C12orf56: variants seen among roughly 807,000 people sequenced by gnomAD.
C12orf56 encodes uncharacterized protein C12orf56.
Under a neutral mutation model 69.9 loss-of-function variants are expected in C12orf56, and 71 were observed. The ratio of observed to expected loss-of-function variants is 1.02; its 90% CI spans 0.84 to 1.24. C12orf56 has a LOEUF of 1.24. Ranked by LOEUF, C12orf56 falls within the 50% of genes most tolerant of loss-of-function variation. C12orf56 has a pLI of 0.00. For synonymous variants in C12orf56, 276 were observed against 274.1 expected (o/e 1.01, Z -0.07); for missense variants, 732 against 738.5 (o/e 0.99, Z 0.10).
At chr12:64,269,835 C>T (rs983827915) in intron 12 of C12orf56, among the ~76,000 whole-genome samples, 2 of 151,854 alleles carry the variant, frequency 1.3e-5, no homozygotes, top group African/African-American at 2.4e-5. Flanking sequence ...GTAATCTGCC[C>T]GGCTCAGCCT....
chr12:64,318,732 T>C lies in C12orf56; in HGVS notation c.737A>G (p.Asn246Ser). The stretch of plus-strand genomic sequence containing the variant: ...ATTTCCTAAGTAAAACTCATTTCCA[T>C]TCCCATTGCACTTGAAAGGAATTTC... ...ISEIPFKCNGNGNEFYLGNSL... is the reference protein window; with the variant it reads ...ISEIPFKCNGSGNEFYLGNSL... Residue 246 changes from asparagine (N) to serine (S), a missense_variant, in exon 4 of 13, where the codon AAT becomes AGT. Asn to Ser is a conservative substitution (Grantham distance 46, BLOSUM62 1). Transcript: ENST00000543942. The C allele has an allele frequency of 6.5e-7, 1 of 1,536,874 alleles. No homozygotes were observed. The highest frequency in any genetic ancestry group is 8.7e-7 in the Non-Finnish European group (1 of 1,146,858).
rs537143634 is a variant in C12orf56, at chr12:64,265,990, A to G, written c.*1193T>C. On this transcript the variant is annotated 3_prime_UTR_variant, in exon 13 of 13. Coordinates refer to ENST00000543942, the MANE Select transcript of C12orf56 (RefSeq NM_001170633.2). Reference sequence around the variant, plus strand: ...CAGATGCCTGAAACAGAGTGGCACCATGCACTTAATTTTGTTGAAGTCCAA... The same window carrying G: ...CAGATGCCTGAAACAGAGTGGCACCGTGCACTTAATTTTGTTGAAGTCCAA... The G allele has an allele frequency of 6.6e-6, 1 of 152,344 alleles. No individual in the cohort carries two copies. Among genetic ancestry groups the G allele is most frequent in the South Asian group, 2.1e-4 (1 of 4,832 alleles). 9.4% of individuals were successfully genotyped at this position (152,344 alleles called of 1,614,324 possible).
At chr12:64,382,782 C>A (rs1274776619) in intron 1 of C12orf56, among the ~76,000 whole-genome samples, 1 of 148,858 alleles carries the variant, frequency 6.7e-6, no homozygotes, top group Non-Finnish European at 1.5e-5. Context: ...CTGGGGCAGG[C>A]GAATGGTGTG....
Position 64,275,307 on chromosome 12 carries a change from G to T in C12orf56, c.1500C>A (p.Val500=), listed in dbSNP as rs761278179. Reference sequence around the variant, plus strand: ...TTTTTAAAAATTGTACCTGCTGAAAGACCAGAAGTATCTCATATAAAAGTG... The same window carrying T: ...TTTTTAAAAATTGTACCTGCTGAAATACCAGAAGTATCTCATATAAAAGTG... ...ATALLYEILL[V]FQQGNLGLGS... Residue 500 remains valine (V), a synonymous_variant, in exon 10 of 13, where the codon GTC becomes GTA. Transcript: ENST00000543942. The T allele has an allele frequency of 7.1e-7, 1 of 1,402,442 alleles. No homozygotes were observed. 86.9% of individuals were successfully genotyped at this position (1,402,442 alleles called of 1,614,324 possible).
At chr12:64,317,781 G>A (rs940700083) in intron 4 of C12orf56, among the ~76,000 whole-genome samples, 1 of 151,898 alleles carries the variant, frequency 6.6e-6, no homozygotes, top group African/African-American at 2.4e-5. Context: ...AAAAAAGATT[G>A]CATTTCAGTT....
intron 3 of C12orf56, among the ~76,000 whole-genome samples, chr12:64,319,547 C>T (rs1266123105): frequency 6.6e-6 from 1 of 152,076 alleles, no homozygotes; most frequent in Non-Finnish European, 1.5e-5. Flanking sequence ...AGGCATGTGC[C>T]ACTATGCCCA....
At chr12:64,295,700 T>C (rs1592428370) in intron 6 of C12orf56, among the ~76,000 whole-genome samples, 1 of 151,690 alleles carries the variant, frequency 6.6e-6, no homozygotes, top group African/African-American at 2.4e-5. Context: ...ATTCTCATAA[T>C]TTAAATTTTA....
intron 6 of C12orf56, among the ~76,000 whole-genome samples, chr12:64,294,361 G>A (rs564770505): frequency 2.2e-4 from 33 of 152,120 alleles, no homozygotes; most frequent in Admixed American, 1.0e-3. Context: ...TGAAAGCACC[G>A]TCTTAAAGAG....
At chr12:64,306,207 GAAT>G (rs1227202588) in intron 5 of C12orf56, among the ~76,000 whole-genome samples, 1 of 151,980 alleles carries the variant, frequency 6.6e-6, no homozygotes, top group Non-Finnish European at 1.5e-5. Flanking sequence ...GAAAAGTTAT[GAAT>G]AATAATTTCT....
intron 6 of C12orf56, among the ~76,000 whole-genome samples, chr12:64,293,077 T>A (rs369225468): frequency 0.021 from 3,131 of 152,210 alleles, 93 homozygotes; most frequent in African/African-American, 0.071. Flanking sequence ...TAAGCCGGTC[T>A]GAAAAGCGCA....
intron 1 of C12orf56, among the ~76,000 whole-genome samples, chr12:64,380,208 G>A (rs974855279): frequency 4.7e-5 from 7 of 149,380 alleles, no homozygotes; most frequent in South Asian, 4.2e-4. Context: ...ACAAAGAAGC[G>A]TGTAGAGAGC....
intron 1 of C12orf56, among the ~76,000 whole-genome samples, chr12:64,372,184 T>C (rs1271524591): frequency 6.6e-6 from 1 of 152,188 alleles, no homozygotes; most frequent in African/African-American, 2.4e-5. Flanking sequence ...TTATATGTTA[T>C]AGTTGAGGAA....
At chr12:64,279,081 A>T (rs1037682502) in intron 8 of C12orf56, among the ~76,000 whole-genome samples, 3 of 151,848 alleles carry the variant, frequency 2.0e-5, no homozygotes, top group African/African-American at 4.8e-5. Context: ...TCTTTTTTTT[A>T]AATATAAAAA....
chr12:64,266,673 C>T lies in C12orf56; in HGVS notation c.*510G>A, dbSNP rs944319441. On this transcript the variant is annotated 3_prime_UTR_variant, in exon 13 of 13. Coordinates refer to ENST00000543942, the MANE Select transcript of C12orf56 (RefSeq NM_001170633.2). Reference sequence around the variant, plus strand: ...GCTCCTGTGCCTGGCATGGTTTCACCGAGAACACTGTGCCCAAGCTGAGAA... The same window carrying T: ...GCTCCTGTGCCTGGCATGGTTTCACTGAGAACACTGTGCCCAAGCTGAGAA... The T allele has an allele frequency of 3.5e-6, 3 of 848,970 alleles. No homozygotes were observed. The highest frequency in any genetic ancestry group is 4.8e-5 in the South Asian group (1 of 20,918). The allele number at this position is 848,970 out of a possible 1,614,324, so 52.6% of individuals were successfully genotyped here.
intron 6 of C12orf56, among the ~76,000 whole-genome samples, chr12:64,301,436 C>T (rs2038444792): frequency 6.6e-6 from 1 of 152,212 alleles, no homozygotes; most frequent in South Asian, 2.1e-4. Flanking sequence ...AAGGAACTCC[C>T]CAAACCTCCG....
chr12:64,305,424 C>T (rs1227942171), intron 5 of C12orf56, among the ~76,000 whole-genome samples: 1 of 152,154 alleles, frequency 6.6e-6, no homozygotes. Flanking sequence ...CTCTGTCACC[C>T]AGGCTGGAGT....
intron 4 of C12orf56, among the ~76,000 whole-genome samples, chr12:64,313,827 G>A (rs2038654886): frequency 6.6e-6 from 1 of 151,294 alleles, no homozygotes; most frequent in Non-Finnish European, 1.5e-5. Context: ...GGCGGATCAC[G>A]AGGTCAGGAG....
chr12:64,376,166 GA>G (rs1309453390), intron 1 of C12orf56, among the ~76,000 whole-genome samples: 2 of 152,174 alleles, frequency 1.3e-5, no homozygotes, highest in African/African-American at 4.8e-5. Flanking sequence ...CAACACTTCA[GA>G]AGTTGAAAGA....
At chr12:64,318,384 A>T (rs758058261) in intron 4 of C12orf56, among the ~76,000 whole-genome samples, 191 bp downstream of exon 4, 1 of 152,082 alleles carries the variant, frequency 6.6e-6, no homozygotes, top group Non-Finnish European at 1.5e-5. Flanking sequence ...ATTAATGAGC[A>T]TTTTTCCCTA....
Sources: allele counts gnomAD v4.1 joint callset (sites outside exome capture counted in the v4.1 genomes callset), GRCh38; gene constraint gnomAD v4.1.1; transcripts MANE v1.5; gene names NCBI Gene and HGNC (gene_info 2026-07-23, HGNC 2026-07-21).